ANKS1B: variants seen among roughly 807,000 people sequenced by gnomAD.
ANKS1B encodes the protein ankyrin repeat and sterile alpha motif domain-containing protein 1B.
In ANKS1B, 36 loss-of-function variants were observed where a neutral mutation model predicts 148.3. The observed-to-expected ratio is 0.24, with a 90% CI of 0.19 to 0.32. The LOEUF (loss-of-function observed/expected upper bound fraction) is 0.32, where lower values mean the gene tolerates loss of function less well. Ranked by LOEUF, ANKS1B falls within the 10% of genes least tolerant of loss-of-function variation. ANKS1B has a pLI of 1.00. For missense variants in ANKS1B, 1,157 were observed against 1,542.6 expected (o/e 0.75, Z 4.19); for synonymous variants, 542 against 560.8 (o/e 0.97, Z 0.47).
In ANKS1B at chr12:99,592,633, G is replaced by A. The variant is rs374559932; in HGVS notation, c.1272+62434C>T. On this transcript the variant is annotated intron_variant, in intron 9 of 26. Transcript: ENST00000683438. ...AGAAAGAAGATGAAGACAATAACGA[G>A]AAAAGAAAAAGAATGTTAGACTATG... is the stretch of plus-strand genomic sequence containing the variant. 2.0e-3 allele frequency among the ~76,000 whole-genome samples: 303 copies of A among 152,126 alleles called. 2 individuals carry two copies. The highest frequency in any genetic ancestry group is 7.1e-3 in the African/African-American group (294 of 41,508).
chr12:99,368,748 TAGAG>T (rs959310466), intron 12 of ANKS1B, among the ~76,000 whole-genome samples: 6 of 152,106 alleles, frequency 3.9e-5, no homozygotes, highest in African/African-American at 9.7e-5. Context: ...AAGAGAGTGA[TAGAG>T]AGACACACGA....
chr12:99,514,325 A>G (rs2153039299), intron 9 of ANKS1B, among the ~76,000 whole-genome samples: 1 of 152,182 alleles, frequency 6.6e-6, no homozygotes, highest in East Asian at 1.9e-4. Context: ...TAATCTTCAT[A>G]TAGTACGTAT....
chr12:98,929,391 T>A (rs1006267727), intron 17 of ANKS1B, among the ~76,000 whole-genome samples: 2 of 152,068 alleles, frequency 1.3e-5, no homozygotes, highest in African/African-American at 4.8e-5. Flanking sequence ...CCTATTAGTA[T>A]CTCAGCTGCC....
In ANKS1B at chr12:99,166,038, C is replaced by T. The variant is rs146756834; in HGVS notation, c.2420-11643G>A. Reference sequence around the variant, plus strand: ...TAAAGAAAAACCATATAATCCTCTCCGCAGATGCAAGAAATCATTTGACAA... The same window carrying T: ...TAAAGAAAAACCATATAATCCTCTCTGCAGATGCAAGAAATCATTTGACAA... On this transcript the variant is annotated intron_variant, in intron 14 of 26. Coordinates refer to ENST00000683438, the MANE Select transcript of ANKS1B (RefSeq NM_001352186.2). 3.0e-3 allele frequency among the ~76,000 whole-genome samples: 453 copies of T among 151,696 alleles called. 2 individuals carry two copies. Among genetic ancestry groups the T allele is most frequent in the African/African-American group, 0.011 (444 of 41,450 alleles).
At chr12:99,268,114 C>A (rs1050483610) in intron 12 of ANKS1B, among the ~76,000 whole-genome samples, 14 of 152,124 alleles carry the variant, frequency 9.2e-5, no homozygotes, top group Non-Finnish European at 1.2e-4. Context: ...GCTCAATCAA[C>A]TTGAAAAAAT....
intron 1 of ANKS1B, among the ~76,000 whole-genome samples, chr12:99,867,852 AG>A (rs1342854760): frequency 3.9e-5 from 6 of 152,236 alleles, no homozygotes; most frequent in African/African-American, 1.4e-4. Context: ...CAGCCTCACA[AG>A]AACATTGCAA....
intron 9 of ANKS1B, among the ~76,000 whole-genome samples, chr12:99,557,236 T>C (rs143236721): frequency 6.6e-6 from 1 of 152,352 alleles, no homozygotes; most frequent in African/African-American, 2.4e-5. Context: ...TTGGAAACAT[T>C]TTCATGAATG....
At chr12:99,109,377 G>A (rs995464595) in intron 15 of ANKS1B, among the ~76,000 whole-genome samples, 21 of 152,132 alleles carry the variant, frequency 1.4e-4, no homozygotes, top group African/African-American at 9.7e-5. Context: ...TACGTGCCAG[G>A]CCCTGAGCTA....
At chr12:99,809,153 A>G (rs2068014071) in intron 3 of ANKS1B, among the ~76,000 whole-genome samples, 1 of 152,112 alleles carries the variant, frequency 6.6e-6, no homozygotes, top group Non-Finnish European at 1.5e-5. Flanking sequence ...AATATTCTTA[A>G]AAGTTTTTTA....
At chr12:99,539,075 G>T (rs1232841152) in intron 9 of ANKS1B, among the ~76,000 whole-genome samples, 1 of 151,960 alleles carries the variant, frequency 6.6e-6, no homozygotes, top group African/African-American at 2.4e-5. Flanking sequence ...TTGCATCCCA[G>T]GGATAAATTT....
intron 17 of ANKS1B, among the ~76,000 whole-genome samples, chr12:99,031,133 T>A (rs2099951862): frequency 6.6e-6 from 1 of 152,224 alleles, no homozygotes; most frequent in South Asian, 2.1e-4. Context: ...AATCTCTACA[T>A]GGATACACGA....
intron 10 of ANKS1B, among the ~76,000 whole-genome samples, chr12:99,469,133 C>T (rs1446400852): frequency 6.6e-6 from 1 of 151,958 alleles, no homozygotes. Flanking sequence ...AGTTCATGTC[C>T]TTTGTAGGGA....
intron 14 of ANKS1B, among the ~76,000 whole-genome samples, chr12:99,206,660 G>C (rs1335793039): frequency 2.0e-5 from 3 of 152,118 alleles, no homozygotes; most frequent in Non-Finnish European, 2.9e-5. Context: ...AAGCAGGTTT[G>C]CTTCTTTTTT....
chr12:99,278,103 G>A (rs1053887100), intron 12 of ANKS1B, among the ~76,000 whole-genome samples: 6 of 152,190 alleles, frequency 3.9e-5, no homozygotes, highest in African/African-American at 1.4e-4. Flanking sequence ...GAATGGAGCC[G>A]CTGTGTTGCT....
intron 16 of ANKS1B, among the ~76,000 whole-genome samples, chr12:99,084,120 A>G (rs1160266286): frequency 1.3e-5 from 2 of 152,298 alleles, no homozygotes; most frequent in East Asian, 1.9e-4. Context: ...CTATAAATAC[A>G]TGATGGGGAT....
rs1296761864 is a variant in ANKS1B, at chr12:99,164,282, G to A, written c.2420-9887C>T. On this transcript the variant is annotated intron_variant, in intron 14 of 26. Transcript: ENST00000683438. ...TGTGTCTCATAAATAGCCCAGAGCTGTAATATTTTAATCTGAAGTTTTAAA... is the reference window on the plus strand; with the variant it reads ...TGTGTCTCATAAATAGCCCAGAGCTATAATATTTTAATCTGAAGTTTTAAA... Among the ~76,000 whole-genome samples, 4 of 152,098 alleles carry A rather than the reference G, an allele frequency of 2.6e-5. No individual in the cohort carries two copies. In the South Asian group the frequency reaches 8.3e-4, roughly 31 times the overall value.
At chr12:99,144,040 C>T (rs929682713) in intron 15 of ANKS1B, among the ~76,000 whole-genome samples, 10 of 152,084 alleles carry the variant, frequency 6.6e-5, no homozygotes, top group African/African-American at 2.4e-4. Context: ...ATACTACATA[C>T]TGTGTAACAT....
intron 17 of ANKS1B, among the ~76,000 whole-genome samples, chr12:98,973,493 T>A (rs1479917124): frequency 6.6e-6 from 1 of 152,168 alleles, no homozygotes; most frequent in African/African-American, 2.4e-5. Context: ...AAATATTAAA[T>A]GAAAAATTCC....
At chr12:99,218,440 G>A (rs192675670) in intron 14 of ANKS1B, among the ~76,000 whole-genome samples, 41 of 152,262 alleles carry the variant, frequency 2.7e-4, no homozygotes, top group African/African-American at 9.1e-4. Context: ...AGGTCCTGAA[G>A]CCTCTGCAAT....
Sources: gnomAD v4.1 joint callset for allele counts (sites outside exome capture counted in the v4.1 genomes callset) on GRCh38, gnomAD v4.1.1 for gene constraint, MANE v1.5 for transcripts, NCBI Gene and HGNC (gene_info 2026-07-23, HGNC 2026-07-21) for gene names.